Variants in ACE observed in about 807,000 individuals in gnomAD.
ACE encodes the protein angiotensin I converting enzyme.
A neutral mutation model predicts 162.3 loss-of-function variants in ACE; 122 were observed. The ratio of observed to expected loss-of-function variants is 0.75; its 90% CI spans 0.65 to 0.87. ACE has a LOEUF of 0.87. Among genes scored for constraint, ACE ranks in the 40% least tolerant of loss-of-function variants. The probability of loss-of-function intolerance (pLI) is 0.00; values close to 1 mark genes in which losing one functional copy is unlikely to be tolerated. For missense variants in ACE, 1,799 were observed against 1,735.1 expected (o/e 1.04, Z -0.65); for synonymous variants, 796 against 720.6 (o/e 1.10, Z -1.68).
In ACE at chr17:63,477,072, A is replaced by T; in HGVS notation, c.-23A>T. The T allele has an allele frequency of 7.8e-7, 1 of 1,274,826 alleles. No individual in the cohort carries two copies. Among genetic ancestry groups the T allele is most frequent in the South Asian group, 2.7e-5 (1 of 37,628 alleles). The allele number at this position is 1,274,826 out of a possible 1,614,324, so 79.0% of individuals were successfully genotyped here. A position where few individuals can be genotyped will look rare whatever the true frequency, so the allele number is the denominator to read the frequency against. ...GGCCGCGGCGCAGGAGAAGGGGCAG[A>T]GCCGAGCACCGCGCACCGCGTCATG... On this transcript the variant is annotated 5_prime_UTR_variant, in exon 1 of 25. Transcript: ENST00000290866.
In ACE at chr17:63,482,614, G is replaced by A. The variant is rs148018765; in HGVS notation, c.1267G>A (p.Val423Met). The change falls in exon 8 of 25, where the codon GTG becomes ATG. Residue 423 changes from valine to methionine, a missense_variant. By Grantham distance (21) the Val-to-Met change is conservative. Coordinates refer to ENST00000290866, the MANE Select transcript of ACE (RefSeq NM_000789.4). ...CGGCTTCCATGAGGCCATTGGGGACGTGCTGGCGCTCTCGGTCTCCACTCC... is the reference window on the plus strand; with the variant it reads ...CGGCTTCCATGAGGCCATTGGGGACATGCTGGCGCTCTCGGTCTCCACTCC... The part of the protein sequence containing the change: ...NPGFHEAIGD[V>M]LALSVSTPEH... 2.7e-5 allele frequency: 44 copies of A among 1,613,990 alleles called. No individual in the cohort carries two copies. Among genetic ancestry groups the A allele is most frequent in the Admixed American group, 2.5e-4 (15 of 60,004 alleles).
rs369689246 is a variant in ACE, at chr17:63,493,484, C to T, written c.2961C>T (p.His987=). Reference sequence around the variant, plus strand: ...ACTTGGAGGACCTGGTGGTGGCCCACCACGAAATGGGCCACATCCAGTATT... The same window carrying T: ...ACTTGGAGGACCTGGTGGTGGCCCATCACGAAATGGGCCACATCCAGTATT... ...TVNLEDLVVA[H]HEMGHIQYFM... Residue 987 remains histidine, a synonymous_variant, in exon 20 of 25, where the codon CAC becomes CAT. Coordinates refer to ENST00000290866, the MANE Select transcript of ACE (RefSeq NM_000789.4). 3.7e-5 allele frequency: 59 copies of T among 1,613,842 alleles called. No individual in the cohort carries two copies. The highest frequency in any genetic ancestry group is 6.7e-5 in the African/African-American group (5 of 74,840).
rs761665803 is a variant in ACE, at chr17:63,493,906, C to G, written c.3137-16C>G. ...TAGGACCCTGGGTCTGACAGCTGGG[C>G]TCCCTTCCCTTGCAGAGCATGACAT... On this transcript the variant is annotated splice_polypyrimidine_tract_variant and intron_variant, in intron 20 of 24. Coordinates refer to ENST00000290866, the MANE Select transcript of ACE (RefSeq NM_000789.4). 13 of 1,614,074 alleles carry G rather than the reference C, an allele frequency of 8.1e-6. No individual in the cohort carries two copies. In the African/African-American group the frequency reaches 1.6e-4, roughly 20 times the overall value.
intron 8 of ACE, 147 bp downstream of exon 8, chr17:63,482,836 C>T (rs1198593517): frequency 2.8e-6 from 3 of 1,081,398 alleles, no homozygotes; most frequent in Non-Finnish European, 4.1e-6. Flanking sequence ...CCTAGAGCCT[C>T]ACGGTGCACA....
intron 22 of ACE, among the ~76,000 whole-genome samples, chr17:63,495,961 G>A (rs1025128830): frequency 1.3e-5 from 2 of 152,214 alleles, no homozygotes; most frequent in African/African-American, 4.8e-5. Flanking sequence ...AATTCGTGAT[G>A]CTTTGGATAA....
chr17:63,485,302 T>C lies in ACE; in HGVS notation c.1988T>C (p.Val663Ala). 3 of 1,613,832 alleles carry C rather than the reference T, an allele frequency of 1.9e-6. No homozygotes were observed. Among genetic ancestry groups the C allele is most frequent in the Non-Finnish European group, 2.5e-6 (3 of 1,179,968 alleles). ...GAATATGACCGGACATCCCAGGTGGTGTGGAACGAGTATGCCGAGGCCAAC... is the reference window on the plus strand; with the variant it reads ...GAATATGACCGGACATCCCAGGTGGCGTGGAACGAGTATGCCGAGGCCAAC... Reference protein sequence around the residue: ...VEEYDRTSQVVWNEYAEANWN... With the variant: ...VEEYDRTSQVAWNEYAEANWN... The change falls in exon 13 of 25, where the codon GTG becomes GCG. Residue 663 changes from valine (V) to alanine (A), a missense_variant. Coordinates refer to ENST00000290866, the MANE Select transcript of ACE (RefSeq NM_000789.4).
intron 14 of ACE, 107 bp from the exon 15 acceptor site, chr17:63,486,879 G>A (rs2029983162): frequency 1.2e-5 from 18 of 1,453,952 alleles, no homozygotes; most frequent in Non-Finnish European, 1.6e-5. Flanking sequence ...GCGCTCCCCA[G>A]CTCCCTGGCT....
chr17:63,484,241 C>A lies in ACE; in HGVS notation c.1710-89C>A. On this transcript the variant is annotated intron_variant, in intron 11 of 24. Coordinates refer to ENST00000290866, the MANE Select transcript of ACE (RefSeq NM_000789.4). This position sits in a 1 kb window ranked among gnomAD's most constrained non-coding sequence, Gnocchi z 4.0. The stretch of plus-strand genomic sequence containing the variant: ...ACAGTTTCTGCAGTCCATTGGGGGG[C>A]GGAAGTGGCCAGGGGCATGTGGGCC... 7.0e-7 allele frequency: 1 copy of A among 1,425,514 alleles called. No individual in the cohort carries two copies. The highest frequency in any genetic ancestry group is 9.6e-7 in the Non-Finnish European group (1 of 1,045,500). The allele number at this position is 1,425,514 out of a possible 1,614,324, so 88.3% of individuals were successfully genotyped here. A position where few individuals can be genotyped will look rare whatever the true frequency, so the allele number is the denominator to read the frequency against.
chr17:63,484,390 C>T lies in ACE; in HGVS notation c.1770C>T (p.Gly590=), dbSNP rs765969966. The part of the protein sequence containing the change: ...PWQEVLKDMV[G]LDALDAQPLL... ...AGGAGGTGCTGAAGGACATGGTCGG[C>T]TTAGATGCCCTGGATGCCCAGCCGC... Residue 590 remains glycine (G), a synonymous_variant, in exon 12 of 25, where the codon GGC becomes GGT. Transcript: ENST00000290866. The surrounding 1 kb of genome is among the most constrained non-coding windows in gnomAD (Gnocchi z 4.0). The T allele has an allele frequency of 1.2e-6, 2 of 1,611,996 alleles. No individual in the cohort carries two copies. Among genetic ancestry groups the T allele is most frequent in the Admixed American group, 3.3e-5 (2 of 59,980 alleles).
chr17:63,492,000 G>A lies in ACE; in HGVS notation c.2912+619G>A, dbSNP rs775469364. Reference sequence around the variant, plus strand: ...CGGGATGGCTCAATGGGGGCCATACGTCCAGAGCCCCAGTTCTGGCTGTCG... The same window carrying A: ...CGGGATGGCTCAATGGGGGCCATACATCCAGAGCCCCAGTTCTGGCTGTCG... On this transcript the variant is annotated intron_variant, in intron 19 of 24. Transcript: ENST00000290866. The surrounding 1 kb of genome is among the most constrained non-coding windows in gnomAD (Gnocchi z 4.4). Among the ~76,000 whole-genome samples, 11 of 152,186 alleles carry A rather than the reference G, an allele frequency of 7.2e-5. No homozygotes were observed. Among genetic ancestry groups the A allele is most frequent in the African/African-American group, 1.4e-4 (6 of 41,450 alleles).
In ACE at chr17:63,493,641, A is replaced by G; in HGVS notation, c.3118A>G (p.Ser1040Gly). ...CCTGCACAGTCTCAACCTGCTGAGC[A>G]GTGAGGGTGGCAGCGACGGTGAGAG... is the stretch of plus-strand genomic sequence containing the variant. ...KHLHSLNLLS[S>G]EGGSDEHDIN... The change falls in exon 20 of 25, where the codon AGT becomes GGT. Residue 1040 changes from serine to glycine, a missense_variant. Transcript: ENST00000290866. 1 of 1,614,092 alleles carries G rather than the reference A, an allele frequency of 6.2e-7. No homozygotes were observed. Among genetic ancestry groups the G allele is most frequent in the Non-Finnish European group, 8.5e-7 (1 of 1,180,004 alleles).
rs2030348650 is a variant in ACE, at chr17:63,491,131, C to T, written c.2740-78C>T. 5.0e-6 allele frequency: 8 copies of T among 1,610,636 alleles called. No homozygotes were observed. The highest frequency in any genetic ancestry group is 1.3e-5 in the African/African-American group (1 of 74,980). On this transcript the variant is annotated intron_variant, in intron 18 of 24. Coordinates refer to ENST00000290866, the MANE Select transcript of ACE (RefSeq NM_000789.4). The surrounding 1 kb of genome is among the most constrained non-coding windows in gnomAD (Gnocchi z 4.4). ...ATTCAGGAGTTCCCTCCAGTTTAGC[C>T]CTCCCCCGGGATCCCCACGGCAGCA...
chr17:63,488,378 AAAAGG>A (rs1371698321), intron 15 of ACE, among the ~76,000 whole-genome samples: 93 of 148,562 alleles, frequency 6.3e-4, no homozygotes, highest in African/African-American at 2.3e-3. Context: ...AAAAAAAAAA[AAAAGG>A]AGAGGAGAGA....
At chr17:63,494,251 C>G in intron 21 of ACE, 121 bp from the exon 22 acceptor site, 1 of 1,260,660 alleles carries the variant, frequency 7.9e-7, no homozygotes, top group Non-Finnish European at 1.1e-6. Flanking sequence ...AGGCCCAGCA[C>G]GCAGGAGAAT....
At chr17:63,486,752 T>TG in intron 14 of ACE, 37 bp downstream of exon 14, 1 of 1,613,734 alleles carries the variant, frequency 6.2e-7, no homozygotes, top group Non-Finnish European at 8.5e-7. Context: ...AGGGGAATCC[T>TG]GGGGCAGTGA....
In ACE at chr17:63,497,495, C is replaced by T. The variant is rs2030842426; in HGVS notation, c.*129C>T. ...GCTCCTCCTGCCCTGTCCCTGTCCC[C>T]CTCCCCTCCCAGTCCTCCAGACCAC... On this transcript the variant is annotated 3_prime_UTR_variant, in exon 25 of 25. Coordinates refer to ENST00000290866, the MANE Select transcript of ACE (RefSeq NM_000789.4). 2 of 876,394 alleles carry T rather than the reference C, an allele frequency of 2.3e-6. No individual in the cohort carries two copies. The highest frequency in any genetic ancestry group is 3.7e-6 in the Non-Finnish European group (2 of 544,904). The allele number at this position is 876,394 out of a possible 1,614,324, so 54.3% of individuals were successfully genotyped here.
At position 63,483,568 on chromosome 17, in the gene ACE, C is replaced by CGGGGGGGGGGGCG; in HGVS notation, c.1586+10_1586+11insGGGGGGGGGGGCG. On this transcript the variant is annotated intron_variant, in intron 10 of 24. Transcript: ENST00000290866. ...TGACACCATACATCAGGTATTAGCG[C>CGGGGGGGGGGGCG]CCCCACCCCACCCACCCCCAGTACT... is the stretch of plus-strand genomic sequence containing the variant. The CGGGGGGGGGGGCG allele has an allele frequency of 3.2e-6, 5 of 1,585,820 alleles. No individual in the cohort carries two copies. The highest frequency in any genetic ancestry group is 4.3e-6 in the Non-Finnish European group (5 of 1,159,928).
At chr17:63,488,596 C>T (rs1568042882) in intron 15 of ACE, 52 bp from the exon 16 acceptor site, 4 of 1,583,330 alleles carry the variant, frequency 2.5e-6, no homozygotes, top group Non-Finnish European at 3.4e-6. Flanking sequence ...GCTCCCCTTA[C>T]AAGCAGAGGT....
rs774092241 is a variant in ACE, at chr17:63,477,174, C to T, written c.80C>T (p.Ala27Val). The change falls in exon 1 of 25, where the codon GCC becomes GTC. Residue 27 changes from alanine (A) to valine (V), a missense_variant. Coordinates refer to ENST00000290866, the MANE Select transcript of ACE (RefSeq NM_000789.4). ...CTGTTGCTGCTGCCGCCGCAGCCCGCCCTGGCGTTGGACCCCGGGCTGCAG... is the reference window on the plus strand; with the variant it reads ...CTGTTGCTGCTGCCGCCGCAGCCCGTCCTGGCGTTGGACCCCGGGCTGCAG... ...PLLLLLPPQP[A>V]LALDPGLQPG... 5.3e-5 allele frequency: 77 copies of T among 1,463,498 alleles called. No individual in the cohort carries two copies. In the African/African-American group the frequency reaches 1.0e-3, roughly 20 times the overall value. The allele number at this position is 1,463,498 out of a possible 1,614,324, so 90.7% of individuals were successfully genotyped here.
Sources: gnomAD v4.1 joint callset for allele counts (sites outside exome capture counted in the v4.1 genomes callset) on GRCh38, gnomAD v4.1.1 for gene constraint, Gnocchi (gnomAD v3.1) non-coding constraint, MANE v1.5 for transcripts, NCBI Gene and HGNC (gene_info 2026-07-23, HGNC 2026-07-21) for gene names.